Variants in FOXN3 observed in about 807,000 individuals in gnomAD.
The protein encoded by FOXN3 is forkhead box protein N3.
FOXN3 carries 7 observed loss-of-function variants against 38.4 expected under a neutral mutation model. That is an observed-to-expected ratio of 0.18 (90% CI 0.10 to 0.34). FOXN3 has a LOEUF of 0.34. Among genes scored for constraint, FOXN3 ranks in the 10% least tolerant of loss-of-function variants. FOXN3 has a pLI of 1.00. For synonymous variants in FOXN3, 230 were observed against 242.2 expected, an observed-to-expected ratio of 0.95 and a Z score of 0.47; for missense variants, 456 against 613.4, an observed-to-expected ratio of 0.74 and a Z score of 2.71.
At chr14:89,529,193 G>C (rs1426457659) in intron 1 of FOXN3, among the ~76,000 whole-genome samples, 3 of 151,968 alleles carry the variant, frequency 2.0e-5, no homozygotes, top group African/African-American at 4.8e-5. Context: ...TACATAGGTG[G>C]TTCCTTCCTA....
intron 4 of FOXN3, among the ~76,000 whole-genome samples, chr14:89,258,413 A>G (rs2139888517): frequency 6.6e-6 from 1 of 152,302 alleles, no homozygotes; most frequent in Admixed American, 6.5e-5. Flanking sequence ...TAGGGAGATG[A>G]TGATGATGAC....
At chr14:89,508,860 A>G (rs1894001147) in intron 1 of FOXN3, among the ~76,000 whole-genome samples, 1 of 152,190 alleles carries the variant, frequency 6.6e-6, no homozygotes, top group African/African-American at 2.4e-5. Context: ...GATCTGGAAC[A>G]GCACCACTGT....
intron 2 of FOXN3, among the ~76,000 whole-genome samples, chr14:89,354,502 C>T (rs1290306749): frequency 1.5e-5 from 2 of 137,628 alleles, no homozygotes; most frequent in Non-Finnish European, 3.1e-5. Flanking sequence ...GCTGGGATTA[C>T]AGGCGTGAGC....
At chr14:89,605,019 G>C (rs908852350) in intron 1 of FOXN3, among the ~76,000 whole-genome samples, 1 of 150,574 alleles carries the variant, frequency 6.6e-6, no homozygotes, top group South Asian at 2.1e-4. Flanking sequence ...GTTTTCCATC[G>C]ATTTATCCTC....
chr14:89,463,463 T>C (rs759918806), intron 1 of FOXN3, among the ~76,000 whole-genome samples: 1 of 152,198 alleles, frequency 6.6e-6, no homozygotes, highest in Admixed American at 6.5e-5. Context: ...AGTTTAAAAG[T>C]AAAGATTCAC....
chr14:89,419,411 T>TC (rs1891845333), upstream of FOXN3: 9 of 332,180 alleles, frequency 2.7e-5, no homozygotes, highest in South Asian at 2.2e-4. Context: ...CATTCACAAT[T>TC]CCCCATGAAC....
At chr14:89,307,862 G>A (rs373068474) in intron 3 of FOXN3, among the ~76,000 whole-genome samples, 24 of 152,270 alleles carry the variant, frequency 1.6e-4, no homozygotes, top group African/African-American at 4.1e-4. Flanking sequence ...ATGTGTGCCC[G>A]ATATAGGTAA....
At chr14:89,473,465 C>A (rs1462826955) in intron 1 of FOXN3, among the ~76,000 whole-genome samples, 1 of 151,358 alleles carries the variant, frequency 6.6e-6, no homozygotes, top group African/African-American at 2.4e-5. Context: ...CTGTGCTCAA[C>A]CAAACTTCTG....
chr14:89,199,961 C>T (rs1279630219), intron 4 of FOXN3, among the ~76,000 whole-genome samples: 1 of 152,114 alleles, frequency 6.6e-6, no homozygotes, highest in Admixed American at 6.6e-5. Flanking sequence ...CTATTTTATA[C>T]AAGAGATTTG....
At chr14:89,357,611 A>C (rs562577810) in intron 2 of FOXN3, among the ~76,000 whole-genome samples, 8 of 152,158 alleles carry the variant, frequency 5.3e-5, no homozygotes, top group Admixed American at 5.2e-4. Flanking sequence ...TCCATCTCAA[A>C]AAAAAAAAAG....
chr14:89,327,503 A>G (rs1888116792), intron 3 of FOXN3, among the ~76,000 whole-genome samples: 1 of 152,250 alleles, frequency 6.6e-6, no homozygotes, highest in South Asian at 2.1e-4. Context: ...GGATTTATAC[A>G]AATCCACAAG....
At position 89,330,733 on chromosome 14, in the gene FOXN3, A is replaced by G. The variant is rs572807778; in HGVS notation, c.680+19939T>C. ...TTGGAAAAATCAGAGCTATTAGCAC[A>G]TGAAAGGTCATTGGCTAAGCATCAC... On this transcript the variant is annotated intron_variant, in intron 3 of 5. Coordinates refer to ENST00000557258, the MANE Select transcript of FOXN3 (RefSeq NM_005197.4). Among the ~76,000 whole-genome samples, 101 of 152,384 alleles carry G rather than the reference A, an allele frequency of 6.6e-4. 1 individual carries two copies. The highest frequency in any genetic ancestry group is 2.4e-3 in the African/African-American group (98 of 41,604).
chr14:89,259,236 G>A (rs145555081), intron 4 of FOXN3, among the ~76,000 whole-genome samples: 25 of 152,336 alleles, frequency 1.6e-4, no homozygotes, highest in Middle Eastern at 3.4e-3. Context: ...TTAAGGATGC[G>A]TCTTGCTGTA....
intron 3 of FOXN3, among the ~76,000 whole-genome samples, chr14:89,284,795 C>T (rs1886568851): frequency 6.6e-6 from 1 of 152,280 alleles, no homozygotes; most frequent in East Asian, 1.9e-4. Context: ...TGGAGTGCGA[C>T]CTGGCATTTG....
At chr14:89,421,170 CAA>C (rs1891898074), upstream of FOXN3, among the ~76,000 whole-genome samples, 2 of 103,706 alleles carry the variant, frequency 1.9e-5, no homozygotes, top group Admixed American at 1.2e-4. Flanking sequence ...TTTTTTGAGA[CAA>C]GAGTTTTGCT....
chr14:89,456,581 C>T (rs1892731258), intron 1 of FOXN3, among the ~76,000 whole-genome samples: 1 of 152,078 alleles, frequency 6.6e-6, no homozygotes, highest in South Asian at 2.1e-4. Flanking sequence ...TGGCGAAAGC[C>T]CATCTCTACT....
At chr14:89,213,342 T>C (rs952454314) in intron 4 of FOXN3, among the ~76,000 whole-genome samples, 1 of 152,252 alleles carries the variant, frequency 6.6e-6, no homozygotes, top group African/African-American at 2.4e-5. Flanking sequence ...CAGGGGCTCA[T>C]TCTTAGAGGC....
At chr14:89,512,495 A>G (rs1271997213) in intron 1 of FOXN3, among the ~76,000 whole-genome samples, 1 of 152,206 alleles carries the variant, frequency 6.6e-6, no homozygotes, top group African/African-American at 2.4e-5. Context: ...TAGGAAATAT[A>G]TGAGGGAAAC....
At chr14:89,185,040 C>T (rs548325449) in intron 4 of FOXN3, among the ~76,000 whole-genome samples, 1 of 152,340 alleles carries the variant, frequency 6.6e-6, no homozygotes, top group East Asian at 1.9e-4. Flanking sequence ...AATAGGCTTT[C>T]CCTGAGCTAT....
Sources: gnomAD v4.1 joint callset for allele counts (sites outside exome capture counted in the v4.1 genomes callset) on GRCh38, gnomAD v4.1.1 for gene constraint, MANE v1.5 for transcripts, NCBI Gene and HGNC (gene_info 2026-07-23, HGNC 2026-07-21) for gene names.